Variants in MSRA observed in about 807,000 individuals in gnomAD.
The protein encoded by MSRA is methionine sulfoxide reductase A.
In MSRA, 54 loss-of-function variants were observed where a neutral mutation model predicts 31.3. The ratio of observed to expected loss-of-function variants is 1.73; its 90% CI spans 1.39 to 2.17. The LOEUF (loss-of-function observed/expected upper bound fraction) is 2.17. Among genes scored for constraint, MSRA ranks in the 30% most tolerant of loss-of-function variants. The probability of loss-of-function intolerance (pLI) is 0.00; values close to 1 mark genes in which losing one functional copy is unlikely to be tolerated. For synonymous variants in MSRA, 169 were observed against 116.5 expected, an observed-to-expected ratio of 1.45 and a Z score of -2.90; for missense variants, 507 against 300.9, an observed-to-expected ratio of 1.69 and a Z score of -5.07.
At chr8:10,207,397 C>G (rs1353510535) in intron 1 of MSRA, among the ~76,000 whole-genome samples, 1 of 152,202 alleles carries the variant, frequency 6.6e-6, no homozygotes, top group Non-Finnish European at 1.5e-5. Flanking sequence ...GAACCTTGCC[C>G]TTTTTACTTC....
chr8:10,277,528 G>A (rs1410039972), intron 3 of MSRA, among the ~76,000 whole-genome samples: 1 of 152,116 alleles, frequency 6.6e-6, no homozygotes, highest in Non-Finnish European at 1.5e-5. Context: ...TACAAAGTGT[G>A]TTTCACTGGG....
intron 3 of MSRA, among the ~76,000 whole-genome samples, chr8:10,291,882 T>C (rs1800255390): frequency 6.6e-6 from 1 of 152,188 alleles, no homozygotes; most frequent in Non-Finnish European, 1.5e-5. Context: ...TAAAGATCAG[T>C]TTCTTACCTG....
At chr8:10,359,179 G>A (rs1342740902) in intron 5 of MSRA, among the ~76,000 whole-genome samples, 1 of 152,134 alleles carries the variant, frequency 6.6e-6, no homozygotes, top group Non-Finnish European at 1.5e-5. Context: ...CTGTCCCCTT[G>A]ACTTGCTTTT....
At chr8:10,335,556 G>C (rs529068457) in intron 5 of MSRA, among the ~76,000 whole-genome samples, 2 of 152,310 alleles carry the variant, frequency 1.3e-5, no homozygotes, top group East Asian at 3.9e-4. Flanking sequence ...CCGTGGCCTA[G>C]TGAACAGATG....
chr8:10,310,023 C>A (rs1228521734), intron 4 of MSRA, among the ~76,000 whole-genome samples: 1 of 152,246 alleles, frequency 6.6e-6, no homozygotes, highest in Non-Finnish European at 1.5e-5. Context: ...CAATAAAATA[C>A]TGTCGTTCGT....
intron 1 of MSRA, among the ~76,000 whole-genome samples, chr8:10,197,579 A>G (rs928122195): frequency 6.6e-6 from 1 of 152,128 alleles, no homozygotes; most frequent in Non-Finnish European, 1.5e-5. Flanking sequence ...TGCAAATACC[A>G]GTGTTCAGGA....
chr8:10,406,165 G>A lies in MSRA; in HGVS notation c.544-21983G>A, dbSNP rs535902270. Among the ~76,000 whole-genome samples the A allele has an allele frequency of 4.9e-4, 75 of 152,370 alleles. 1 individual carries two copies. Among genetic ancestry groups the A allele is most frequent in the African/African-American group, 1.7e-3 (71 of 41,592 alleles). On this transcript the variant is annotated intron_variant, in intron 5 of 5. Coordinates refer to ENST00000317173, the MANE Select transcript of MSRA (RefSeq NM_012331.5). ...TCCCAGGCTCACACACTTGTGTCGG[G>A]CAGTGGCGGGAGAGAGTGTGTGTTC... is the stretch of plus-strand genomic sequence containing the variant.
chr8:10,074,514 A>AC (rs969990785), intron 1 of MSRA, among the ~76,000 whole-genome samples: 1 of 152,074 alleles, frequency 6.6e-6, no homozygotes, highest in African/African-American at 2.4e-5. Context: ...TGAAAGGTAA[A>AC]CCACTGTGGT....
intron 1 of MSRA, among the ~76,000 whole-genome samples, chr8:10,178,355 C>G (rs1273028420): frequency 6.6e-6 from 1 of 151,852 alleles, no homozygotes; most frequent in African/African-American, 2.4e-5. Context: ...TTCGGGAGGC[C>G]TAGGAGGGGA....
intron 5 of MSRA, among the ~76,000 whole-genome samples, chr8:10,394,213 A>G (rs1806947876): frequency 1.3e-5 from 2 of 152,160 alleles, no homozygotes; most frequent in South Asian, 4.1e-4. Context: ...CAATGTTTTT[A>G]TTGTAGCGAA....
intron 2 of MSRA, among the ~76,000 whole-genome samples, chr8:10,232,989 C>T (rs926771827): frequency 1.3e-5 from 2 of 152,094 alleles, no homozygotes; most frequent in Non-Finnish European, 1.5e-5. Flanking sequence ...TGTAGATGTC[C>T]TTCAGAAGTT....
At chr8:10,066,922 G>T (rs1797481859) in intron 1 of MSRA, among the ~76,000 whole-genome samples, 1 of 151,196 alleles carries the variant, frequency 6.6e-6, no homozygotes, top group Non-Finnish European at 1.5e-5. Flanking sequence ...AAAATTGAGT[G>T]GAAAGTACAG....
intron 1 of MSRA, among the ~76,000 whole-genome samples, chr8:10,110,865 A>G (rs1445125972): frequency 6.6e-6 from 1 of 152,238 alleles, no homozygotes; most frequent in East Asian, 1.9e-4. Context: ...TATTTCAAAA[A>G]TGACCCTTCT....
intron 1 of MSRA, among the ~76,000 whole-genome samples, chr8:10,112,876 CTT>C (rs759666870): frequency 2.2e-4 from 33 of 152,134 alleles, no homozygotes; most frequent in Non-Finnish European, 4.3e-4. Flanking sequence ...CACCCTTGAA[CTT>C]TTATGGCTGC....
chr8:10,333,841 C>T (rs1802855568), intron 5 of MSRA, among the ~76,000 whole-genome samples: 3 of 152,088 alleles, frequency 2.0e-5, no homozygotes, highest in African/African-American at 7.2e-5. Context: ...CCTTCCCTTG[C>T]TTTGCATCTG....
chr8:10,290,786 A>G (rs1223077312), intron 3 of MSRA, among the ~76,000 whole-genome samples: 1 of 152,198 alleles, frequency 6.6e-6, no homozygotes, highest in Non-Finnish European at 1.5e-5. Flanking sequence ...TCAGTGTGCA[A>G]TACCCTTGTT....
intron 4 of MSRA, among the ~76,000 whole-genome samples, chr8:10,302,428 A>C (rs913147594): frequency 5.3e-5 from 8 of 152,216 alleles, no homozygotes; most frequent in Non-Finnish European, 8.8e-5. Flanking sequence ...TTCATTTGGC[A>C]GTCAGTCTAT....
rs79514208 is a variant in MSRA, at chr8:10,353,818, A to C, written c.543+33829A>C. On this transcript the variant is annotated intron_variant, in intron 5 of 5. Coordinates refer to ENST00000317173, the MANE Select transcript of MSRA (RefSeq NM_012331.5). Reference sequence around the variant, plus strand: ...AGACAGTAATAAACATAGAGGGAGAAATAACAAGACATTTTACCATGTCTT... The same window carrying C: ...AGACAGTAATAAACATAGAGGGAGACATAACAAGACATTTTACCATGTCTT... 593 of 279,014 alleles carry C rather than the reference A, an allele frequency of 2.1e-3. 5 individuals carry two copies. The highest frequency in any genetic ancestry group is 0.012 in the African/African-American group (554 of 44,482). The allele number at this position is 279,014 out of a possible 1,614,324, so 17.3% of individuals were successfully genotyped here.
chr8:10,193,034 C>A (rs945057141), intron 1 of MSRA, among the ~76,000 whole-genome samples: 1 of 152,190 alleles, frequency 6.6e-6, no homozygotes, highest in African/African-American at 2.4e-5. Context: ...GAAAAAGTGA[C>A]AGAAAATAGA....
Sources: gnomAD v4.1 joint callset for allele counts (sites outside exome capture counted in the v4.1 genomes callset) on GRCh38, gnomAD v4.1.1 for gene constraint, MANE v1.5 for transcripts, NCBI Gene and HGNC (gene_info 2026-07-23, HGNC 2026-07-21) for gene names.